PBRM1: variants seen among roughly 807,000 people sequenced by gnomAD.
PBRM1 encodes polybromo 1.
In PBRM1, 27 loss-of-function variants were observed where a neutral mutation model predicts 194.5. The ratio of observed to expected loss-of-function variants is 0.14; its 90% CI spans 0.10 to 0.19. The LOEUF is 0.19. Among genes scored for constraint, PBRM1 ranks in the 10% least tolerant of loss-of-function variants. The pLI is 1.00. For synonymous variants in PBRM1, 655 were observed against 693.2 expected, an observed-to-expected ratio of 0.94 and a Z score of 0.87; for missense variants, 1,466 against 2,077.2, an observed-to-expected ratio of 0.71 and a Z score of 5.72.
chr3:52,575,230 A>G (rs567284834), intron 22 of PBRM1, among the ~76,000 whole-genome samples: 1 of 143,512 alleles, frequency 7.0e-6, no homozygotes, highest in Non-Finnish European at 1.5e-5. Flanking sequence ...AACAAACCAA[A>G]CAAACAAACA....
upstream of PBRM1, among the ~76,000 whole-genome samples, chr3:52,683,063 C>G (rs1184859298): frequency 6.6e-6 from 1 of 151,850 alleles, no homozygotes; most frequent in Non-Finnish European, 1.5e-5. Context: ...ATTGGCTGGG[C>G]TTGGTGGCAC....
chr3:52,588,749 G>A (rs1004274972), intron 18 of PBRM1, among the ~76,000 whole-genome samples: 1 of 151,792 alleles, frequency 6.6e-6, no homozygotes, highest in Non-Finnish European at 1.5e-5. Context: ...GTAGAGACAG[G>A]GTTTCACTGT....
At chr3:52,673,238 T>C (rs2096992761) in intron 2 of PBRM1, among the ~76,000 whole-genome samples, 1 of 151,440 alleles carries the variant, frequency 6.6e-6, no homozygotes, top group Admixed American at 6.6e-5. Flanking sequence ...TCCACCCGCC[T>C]CAGCCTCCCA....
At chr3:52,553,271 T>C (rs1304457625) in intron 27 of PBRM1, among the ~76,000 whole-genome samples, 1 of 152,226 alleles carries the variant, frequency 6.6e-6, no homozygotes, top group African/African-American at 2.4e-5. Context: ...TTGCATATGA[T>C]GGCAATTAAT....
chr3:52,558,564 C>T (rs2082708748), intron 25 of PBRM1, among the ~76,000 whole-genome samples, 151 bp from the exon 28 acceptor site: 1 of 152,162 alleles, frequency 6.6e-6, no homozygotes. Flanking sequence ...CAGGAGGAGT[C>T]GGGCCGATTT....
intron 11 of PBRM1, among the ~76,000 whole-genome samples, chr3:52,630,622 T>C (rs1304384679): frequency 6.6e-6 from 1 of 152,228 alleles, no homozygotes; most frequent in Non-Finnish European, 1.5e-5. Flanking sequence ...GTAAGGCTCC[T>C]GTCAGGCACC....
intron 29 of PBRM1, 67 bp downstream of exon 31, chr3:52,550,354 C>G: frequency 1.4e-6 from 1 of 717,856 alleles, no homozygotes; most frequent in South Asian, 3.9e-5. Context: ...ATATACTATG[C>G]TAACAGCAGT....
intron 16 of PBRM1, among the ~76,000 whole-genome samples, chr3:52,604,956 C>T (rs1024296105): frequency 2.4e-5 from 2 of 82,480 alleles, no homozygotes; most frequent in Non-Finnish European, 2.9e-5. Flanking sequence ...AGACTCTGTC[C>T]CAAAATAAAT....
chr3:52,681,444 G>C (rs2097203700), upstream of PBRM1, among the ~76,000 whole-genome samples: 1 of 152,026 alleles, frequency 6.6e-6, no homozygotes, highest in Non-Finnish European at 1.5e-5. Flanking sequence ...TCGTCAAAAG[G>C]CTTAGCCAAA....
chr3:52,581,629 T>A (rs536648346), intron 20 of PBRM1, among the ~76,000 whole-genome samples: 13 of 152,140 alleles, frequency 8.5e-5, no homozygotes, highest in African/African-American at 2.9e-4. Context: ...GAATGGGTTC[T>A]ATTCTAAAGT....
At chr3:52,601,130 T>A (rs1359979589) in intron 17 of PBRM1, among the ~76,000 whole-genome samples, 1 of 152,234 alleles carries the variant, frequency 6.6e-6, no homozygotes, top group Non-Finnish European at 1.5e-5. Context: ...CCTGAAGATG[T>A]ATCTGTGGTG....
intron 24 of PBRM1, among the ~76,000 whole-genome samples, chr3:52,562,283 C>G (rs1391061694): frequency 6.7e-6 from 1 of 149,542 alleles, no homozygotes; most frequent in East Asian, 2.0e-4. Flanking sequence ...GCCAAGACGG[C>G]GCCACTGCAC....
chr3:52,567,806 GTTT>G (rs1163710948), intron 22 of PBRM1, among the ~76,000 whole-genome samples: 3 of 98,156 alleles, frequency 3.1e-5, no homozygotes, highest in South Asian at 3.6e-4. Context: ...TAATTTTTGT[GTTT>G]TTTTTTTTTT....
chr3:52,546,649 G>A, downstream of PBRM1: 1 of 232,196 alleles, frequency 4.3e-6, no homozygotes, highest in Non-Finnish European at 8.5e-6. Flanking sequence ...CTACCACAAT[G>A]GCAATCACCC....
At chr3:52,663,824 C>G (rs749047369) in intron 3 of PBRM1, among the ~76,000 whole-genome samples, 2 of 151,804 alleles carry the variant, frequency 1.3e-5, no homozygotes, top group African/African-American at 4.8e-5. Flanking sequence ...CTTTGGGAGG[C>G]TGAAGCAGGG....
At chr3:52,558,505 G>GC (rs2153458831) in intron 25 of PBRM1, 92 bp from the exon 28 acceptor site, 1 of 1,108,070 alleles carries the variant, frequency 9.0e-7, no homozygotes, top group East Asian at 2.6e-5. Context: ...AAAAACACAG[G>GC]CAACAGTTCT....
At chr3:52,568,867 T>G (rs2086158501) in intron 22 of PBRM1, among the ~76,000 whole-genome samples, 1 of 152,192 alleles carries the variant, frequency 6.6e-6, no homozygotes, top group Admixed American at 6.6e-5. Flanking sequence ...TTCACTATAC[T>G]TTTCAGAATT....
chr3:52,660,443 T>G (rs2096698287), intron 4 of PBRM1, among the ~76,000 whole-genome samples: 1 of 151,960 alleles, frequency 6.6e-6, no homozygotes, highest in Non-Finnish European at 1.5e-5. Context: ...AATATAAAAT[T>G]TTATACATAT....
At chr3:52,639,122 T>G (rs2095961082) in intron 10 of PBRM1, among the ~76,000 whole-genome samples, 2 of 151,862 alleles carry the variant, frequency 1.3e-5, no homozygotes, top group Non-Finnish European at 2.9e-5. Flanking sequence ...GTACCTGGGA[T>G]TGCAGGCATG....
Sources: allele counts gnomAD v4.1 joint callset (sites outside exome capture counted in the v4.1 genomes callset), GRCh38; gene constraint gnomAD v4.1.1; transcripts MANE v1.5; gene names NCBI Gene and HGNC (gene_info 2026-07-23, HGNC 2026-07-21).